Variants in ZNF419 observed in about 807,000 individuals in gnomAD.
ZNF419 encodes zinc finger protein 419A.
ZNF419 carries 8 observed loss-of-function variants against 14.9 expected under a neutral mutation model. The ratio of observed to expected loss-of-function variants is 0.54; its 90% CI spans 0.32 to 0.97. The LOEUF (loss-of-function observed/expected upper bound fraction) is 0.97, where lower values mean the gene tolerates loss of function less well. Ranked by LOEUF, ZNF419 falls within the 50% of genes least tolerant of loss-of-function variation. ZNF419 has a pLI of 0.04. For missense variants in ZNF419, 595 were observed against 607.2 expected, an observed-to-expected ratio of 0.98 and a Z score of 0.21; for synonymous variants, 211 against 205.3, an observed-to-expected ratio of 1.03 and a Z score of -0.24.
chr19:57,493,281 G>A lies in ZNF419; in HGVS notation c.724G>A (p.Asp242Asn), dbSNP rs773363454. The A allele has an allele frequency of 6.2e-7, 1 of 1,614,198 alleles. No homozygotes were observed. The part of the protein sequence containing the change: ...ECSECGKLFR[D>N]MSNLFIHQIV... ...CAGTGAATGTGGGAAGTTATTTAGA[G>A]ATATGTCCAACCTTTTTATACACCA... The change falls in exon 5 of 5, where the codon GAT becomes AAT. Residue 242 changes from aspartate (D) to asparagine (N), a missense_variant. Physicochemically the swap from Asp to Asn is conservative, Grantham distance 23. Transcript: ENST00000221735.
chr19:57,493,305 C>G lies in ZNF419; in HGVS notation c.748C>G (p.Gln250Glu). ...FRDMSNLFIH[Q>E]IVHTGERPYG... Reference sequence around the variant, plus strand: ...AGATATGTCCAACCTTTTTATACACCAAATAGTTCACACTGGAGAAAGGCC... The same window carrying G: ...AGATATGTCCAACCTTTTTATACACGAAATAGTTCACACTGGAGAAAGGCC... Residue 250 changes from glutamine to glutamate, a missense_variant, in exon 5 of 5, where the codon CAA becomes GAA. Coordinates refer to ENST00000221735, the MANE Select transcript of ZNF419 (RefSeq NM_024691.4). 1 of 1,614,166 alleles carries G rather than the reference C, an allele frequency of 6.2e-7. No homozygotes were observed. The highest frequency in any genetic ancestry group is 2.2e-5 in the East Asian group (1 of 44,878).
At chr19:57,488,236 C>A in intron 1 of ZNF419, 2 of 539,422 alleles carry the variant, frequency 3.7e-6, no homozygotes, top group Non-Finnish European at 3.2e-6. Flanking sequence ...GCGTGTCGAG[C>A]GACAGCCCGA....
chr19:57,487,949 C>A lies in ZNF419; in HGVS notation c.-2C>A. The stretch of plus-strand genomic sequence containing the variant: ...CCCCTCCAGCTCTACTCACAGGCTC[C>A]GATGGCGGCGGCCGCCCTGAGGGAC... On this transcript the variant is annotated 5_prime_UTR_variant, in exon 1 of 5. Transcript: ENST00000221735. The A allele has an allele frequency of 6.2e-7, 1 of 1,613,846 alleles. No individual in the cohort carries two copies. Among genetic ancestry groups the A allele is most frequent in the Non-Finnish European group, 8.5e-7 (1 of 1,179,902 alleles).
Position 57,492,840 on chromosome 19 carries a change from A to C in ZNF419, c.299-16A>C. 1 of 1,613,380 alleles carries C rather than the reference A, an allele frequency of 6.2e-7. No homozygotes were observed. Among genetic ancestry groups the C allele is most frequent in the Non-Finnish European group, 8.5e-7 (1 of 1,179,632 alleles). On this transcript the variant is annotated splice_polypyrimidine_tract_variant and intron_variant, in intron 4 of 4. Coordinates refer to ENST00000221735, the MANE Select transcript of ZNF419 (RefSeq NM_024691.4). ...CAAAGTCTACATTTACTTCTTCAAC[A>C]TTTATCTTCTGTCAGGTTGTTGGCA...
intron 4 of ZNF419, 82 bp from the exon 5 acceptor site, chr19:57,492,774 G>T (rs776419669): frequency 2.6e-6 from 4 of 1,564,826 alleles, no homozygotes; most frequent in Non-Finnish European, 3.5e-6. Flanking sequence ...CTAATTACTG[G>T]GTGTGTTAGA....
rs1600131365 is a variant in ZNF419 at position 57,489,390 on chromosome 19, A to G, written c.34-757A>G. Reference sequence around the variant, plus strand: ...ATTGGTTGTAAAGTTAGTATACTGGAAAGTATTTGATTAAAATAAAGCACC... The same window carrying G: ...ATTGGTTGTAAAGTTAGTATACTGGGAAGTATTTGATTAAAATAAAGCACC... On this transcript the variant is annotated intron_variant, in intron 1 of 4. Coordinates refer to ENST00000221735, the MANE Select transcript of ZNF419 (RefSeq NM_024691.4). 3 of 152,394 alleles carry G rather than the reference A, an allele frequency of 2.0e-5. No homozygotes were observed. In the South Asian group the frequency reaches 6.2e-4, roughly 32 times the overall value. 9.4% of individuals were successfully genotyped at this position (152,394 alleles called of 1,614,324 possible).
In ZNF419 at chr19:57,491,596, G is replaced by T. The variant is rs1135692; in HGVS notation, c.198G>T (p.Leu66=). The T allele has an allele frequency of 1.9e-6, 3 of 1,613,514 alleles. No individual in the cohort carries two copies. Among genetic ancestry groups the T allele is most frequent in the South Asian group, 1.1e-5 (1 of 91,022 alleles). The part of the protein sequence containing the change: ...MLENFTLLAS[L]GLASSKTHEI... ...AGAACTTTACACTTCTGGCCTCTCT[G>T]GGTAAGGTTCTCACACCCCACCCCA... Residue 66 remains leucine, a splice_region_variant and synonymous_variant, in exon 3 of 5, where the codon CTG becomes CTT. Transcript: ENST00000221735.
chr19:57,487,840 A>C lies in ZNF419; in HGVS notation c.-111A>C, dbSNP rs2089389583. On this transcript the variant is annotated 5_prime_UTR_variant, in exon 1 of 5. Coordinates refer to ENST00000221735, the MANE Select transcript of ZNF419 (RefSeq NM_024691.4). Reference sequence around the variant, plus strand: ...GCGCCGGAAGGCACGGTGGCGACTCACGCTGTTCTCGCCGCTCAGAGGCGG... The same window carrying C: ...GCGCCGGAAGGCACGGTGGCGACTCCCGCTGTTCTCGCCGCTCAGAGGCGG... 4.6e-6 allele frequency: 7 copies of C among 1,523,744 alleles called. No homozygotes were observed. In the South Asian group the frequency reaches 7.9e-5, roughly 17 times the overall value. 94.4% of individuals were successfully genotyped at this position (1,523,744 alleles called of 1,614,324 possible).
Position 57,492,843 on chromosome 19 carries a change from T to G in ZNF419, c.299-13T>G. ...AGTCTACATTTACTTCTTCAACATT[T>G]ATCTTCTGTCAGGTTGTTGGCATGG... On this transcript the variant is annotated splice_polypyrimidine_tract_variant and intron_variant, in intron 4 of 4. Transcript: ENST00000221735. 3 of 1,613,522 alleles carry G rather than the reference T, an allele frequency of 1.9e-6. No homozygotes were observed. The highest frequency in any genetic ancestry group is 2.5e-6 in the Non-Finnish European group (3 of 1,179,668).
In ZNF419 at chr19:57,493,286, G is replaced by A. The variant is rs1435009811; in HGVS notation, c.729G>A (p.Met243Ile). ...AATGTGGGAAGTTATTTAGAGATAT[G>A]TCCAACCTTTTTATACACCAAATAG... Reference protein sequence around the residue: ...CSECGKLFRDMSNLFIHQIVH... With the variant: ...CSECGKLFRDISNLFIHQIVH... Residue 243 changes from methionine to isoleucine, a missense_variant, in exon 5 of 5, where the codon ATG becomes ATA. Met to Ile is a conservative substitution (Grantham distance 10). Transcript: ENST00000221735. 26 of 1,614,228 alleles carry A rather than the reference G, an allele frequency of 1.6e-5. No homozygotes were observed. Among genetic ancestry groups the A allele is most frequent in the Non-Finnish European group, 2.1e-5 (25 of 1,180,042 alleles).
rs537818309 is a variant in ZNF419, at chr19:57,493,245, A to G, written c.688A>G (p.Thr230Ala). The G allele has an allele frequency of 8.1e-6, 13 of 1,614,142 alleles. No homozygotes were observed. In the South Asian group the frequency reaches 1.3e-4, roughly 16 times the overall value. ...CCAGAGACTACATGCTGGGAAAAAG[A>G]CGTATGAATGCAGTGAATGTGGGAA... ...QHQRLHAGKK[T>A]YECSECGKLF... The change falls in exon 5 of 5, where the codon ACG becomes GCG. Residue 230 changes from threonine to alanine, a missense_variant. Physicochemically the swap from Thr to Ala is moderately conservative, Grantham distance 58 (BLOSUM62 0). Coordinates refer to ENST00000221735, the MANE Select transcript of ZNF419 (RefSeq NM_024691.4).
rs2089598585 is a variant in ZNF419, at chr19:57,495,633, G to A, written c.*1543G>A. On this transcript the variant is annotated 3_prime_UTR_variant, in exon 5 of 5. Coordinates refer to ENST00000221735, the MANE Select transcript of ZNF419 (RefSeq NM_024691.4). ...TCCAGCTATCCTGGAGGCTGAGGCAGGAGAATGGTGTGAGCCCGGGAGGCG... is the reference window on the plus strand; with the variant it reads ...TCCAGCTATCCTGGAGGCTGAGGCAAGAGAATGGTGTGAGCCCGGGAGGCG... 6.7e-6 allele frequency: 1 copy of A among 148,938 alleles called. No homozygotes were observed. Among genetic ancestry groups the A allele is most frequent in the African/African-American group, 2.5e-5 (1 of 40,542 alleles). 9.2% of individuals were successfully genotyped at this position (148,938 alleles called of 1,614,324 possible).
At chr19:57,492,528 A>G (rs1342456181) in intron 4 of ZNF419, 2 of 758,948 alleles carry the variant, frequency 2.6e-6, no homozygotes, top group Admixed American at 1.7e-5. Flanking sequence ...CTGGACCTGG[A>G]CATAACCTTC....
In ZNF419 at chr19:57,490,130, G is replaced by A. The variant is rs117869881; in HGVS notation, c.34-17G>A. The A allele has an allele frequency of 1.3e-5, 21 of 1,612,838 alleles. No individual in the cohort carries two copies. In the East Asian group the frequency reaches 3.1e-4, roughly 24 times the overall value. Reference sequence around the variant, plus strand: ...GCAACATCACTGTCTGGTTCTCATAGTCTTGATTTTCCATAGGTTCCTGTG... The same window carrying A: ...GCAACATCACTGTCTGGTTCTCATAATCTTGATTTTCCATAGGTTCCTGTG... On this transcript the variant is annotated splice_polypyrimidine_tract_variant and intron_variant, in intron 1 of 4. Transcript: ENST00000221735.
At chr19:57,491,939 G>C in intron 3 of ZNF419, 174 bp from the exon 4 acceptor site, 1 of 661,738 alleles carries the variant, frequency 1.5e-6, no homozygotes, top group Non-Finnish European at 2.7e-6. Context: ...AACATACCTG[G>C]GTGTCGGTCT....
rs200279723 is a variant in ZNF419 at position 57,494,113 on chromosome 19, C to T, written c.*23C>T. ...TGATTGTGTGAAATCCTTTAGCCAGCGTTTCAACCTCATTCAACACCAGAA... is the reference window on the plus strand; with the variant it reads ...TGATTGTGTGAAATCCTTTAGCCAGTGTTTCAACCTCATTCAACACCAGAA... On this transcript the variant is annotated 3_prime_UTR_variant, in exon 5 of 5. Transcript: ENST00000221735. 1.1e-4 allele frequency: 169 copies of T among 1,556,852 alleles called. No individual in the cohort carries two copies. Among genetic ancestry groups the T allele is most frequent in the Middle Eastern group, 3.5e-4 (2 of 5,764 alleles).
chr19:57,493,355 A>C lies in ZNF419; in HGVS notation c.798A>C (p.Lys266Asn). ...CTTACGGGTGTAGTAACTGTGGAAA[A>C]TCCTTTAGCCGTAATGCTCACCTCA... ...ERPYGCSNCG[K>N]SFSRNAHLIE... The change falls in exon 5 of 5, where the codon AAA (lysine) becomes AAC (asparagine). Residue 266 changes from lysine to asparagine, a missense_variant. Transcript: ENST00000221735. 6.2e-7 allele frequency: 1 copy of C among 1,614,154 alleles called. No homozygotes were observed. Among genetic ancestry groups the C allele is most frequent in the South Asian group, 1.1e-5 (1 of 91,076 alleles).
rs1254184407 is a variant in ZNF419, at chr19:57,494,102, C to T, written c.*12C>T. 3 of 1,573,398 alleles carry T rather than the reference C, an allele frequency of 1.9e-6. No homozygotes were observed. The highest frequency in any genetic ancestry group is 2.6e-6 in the Non-Finnish European group (3 of 1,162,938). On this transcript the variant is annotated 3_prime_UTR_variant, in exon 5 of 5. Transcript: ENST00000221735. ...GAGAAATGCAGTGATTGTGTGAAAT[C>T]CTTTAGCCAGCGTTTCAACCTCATT...
Position 57,494,142 on chromosome 19 carries a change from T to A in ZNF419, c.*52T>A. The A allele has an allele frequency of 6.5e-7, 1 of 1,538,324 alleles. No individual in the cohort carries two copies. Among genetic ancestry groups the A allele is most frequent in the South Asian group, 1.3e-5 (1 of 76,580 alleles). On this transcript the variant is annotated 3_prime_UTR_variant, in exon 5 of 5. Coordinates refer to ENST00000221735, the MANE Select transcript of ZNF419 (RefSeq NM_024691.4). The stretch of plus-strand genomic sequence containing the variant: ...TCAACCTCATTCAACACCAGAAAGT[T>A]CACAGTGGAAAAAATCTTGAAGGTA...
Sources: allele counts gnomAD v4.1 joint callset, GRCh38; gene constraint gnomAD v4.1.1; transcripts MANE v1.5; gene names NCBI Gene and HGNC (gene_info 2026-07-23, HGNC 2026-07-21).